Variants in LRIF1 observed in about 807,000 individuals in gnomAD.
LRIF1 encodes the protein ligand-dependent nuclear receptor-interacting factor 1.
Under a neutral mutation model 52.7 loss-of-function variants are expected in LRIF1, and 32 were observed. The ratio of observed to expected loss-of-function variants is 0.61; its 90% CI spans 0.46 to 0.82. The LOEUF (loss-of-function observed/expected upper bound fraction) is 0.82, where lower values mean the gene tolerates loss of function less well. LRIF1 is among the 40% of genes least tolerant of loss of function. LRIF1 has a pLI of 0.00. For missense variants in LRIF1, 887 were observed against 892.0 expected, an observed-to-expected ratio of 0.99 and a Z score of 0.07; for synonymous variants, 323 against 317.4, an observed-to-expected ratio of 1.02 and a Z score of -0.19.
chr1:110,955,092 G>A (rs749105982), intron 1 of LRIF1, among the ~76,000 whole-genome samples: 1 of 152,068 alleles, frequency 6.6e-6, no homozygotes, highest in Non-Finnish European at 1.5e-5. Flanking sequence ...AATCTCAAAC[G>A]TTCCTAAAAT....
the LRIF1 span, among the ~76,000 whole-genome samples, chr1:110,921,041 C>T: frequency 0.057 from 8,712 of 152,136 alleles, 288 homozygotes; most frequent in East Asian, 0.14. Context: ...TGGGCAAGTA[C>T]AAATGAACAT....
the LRIF1 span, chr1:110,892,245 G>A: frequency 3.3e-6 from 3 of 899,056 alleles, no homozygotes; most frequent in African/African-American, 4.9e-5. Context: ...GATTGAGCCA[G>A]TTAAAAATAA....
chr1:110,938,594 C>T, the LRIF1 span: 4 of 152,182 alleles, frequency 2.6e-5, no homozygotes, highest in African/African-American at 9.7e-5. Context: ...GGTCCCATAG[C>T]TAGTATCATA....
chr1:110,901,128 A>T, the LRIF1 span, among the ~76,000 whole-genome samples: 1 of 151,672 alleles, frequency 6.6e-6, no homozygotes, highest in African/African-American at 2.4e-5. Context: ...AAGAAGTAGC[A>T]GAGGAGACAT....
the LRIF1 span, among the ~76,000 whole-genome samples, chr1:110,888,630 C>T: frequency 2.6e-5 from 4 of 151,854 alleles, no homozygotes; most frequent in East Asian, 1.9e-4. Flanking sequence ...TATATTTTTA[C>T]GTTAAGAAAA....
the LRIF1 span, chr1:110,892,196 A>G: frequency 1.5e-6 from 1 of 688,830 alleles, no homozygotes; most frequent in Non-Finnish European, 2.6e-6. Context: ...CAATGTAAGC[A>G]TGGAAAAGTT....
the LRIF1 span, chr1:110,895,057 T>C: frequency 6.2e-7 from 1 of 1,601,376 alleles, no homozygotes. Flanking sequence ...CAGTCATTTG[T>C]GAGTACAGGT....
At chr1:110,941,153 A>G in the LRIF1 span, 2 of 152,114 alleles carry the variant, frequency 1.3e-5, no homozygotes, top group Admixed American at 6.5e-5. Context: ...AAGTAAAAAA[A>G]GAAGATAAAA....
the LRIF1 span, among the ~76,000 whole-genome samples, chr1:110,934,800 C>A: frequency 6.6e-6 from 1 of 152,200 alleles, no homozygotes; most frequent in Non-Finnish European, 1.5e-5. Flanking sequence ...GCGGGCCTGG[C>A]TGGCTTTGCC....
At chr1:110,901,185 GT>G in the LRIF1 span, among the ~76,000 whole-genome samples, 4 of 151,124 alleles carry the variant, frequency 2.6e-5, no homozygotes, top group African/African-American at 7.3e-5. Flanking sequence ...TTGTTTGTTT[GT>G]TTTTTTCTGA....
the LRIF1 span, among the ~76,000 whole-genome samples, chr1:110,885,276 C>T: frequency 6.6e-6 from 1 of 152,152 alleles, no homozygotes; most frequent in African/African-American, 2.4e-5. Flanking sequence ...TTTGGGCAGG[C>T]GCGGTGGCTC....
chr1:110,880,965 AAAGAG>A, the LRIF1 span, among the ~76,000 whole-genome samples: 157 of 152,202 alleles, frequency 1.0e-3, no homozygotes, highest in African/African-American at 3.7e-3. Context: ...GCCAGAAAGA[AAAGAG>A]AAAATTTCAG....
chr1:110,950,070 G>A lies in LRIF1; in HGVS notation c.1650C>T (p.Asp550=), dbSNP rs760999124. The A allele has an allele frequency of 4.3e-6, 7 of 1,613,812 alleles. No individual in the cohort carries two copies. Among genetic ancestry groups the A allele is most frequent in the Non-Finnish European group, 5.1e-6 (6 of 1,179,936 alleles). The change falls in exon 3 of 4, where the codon GAC becomes GAT. Residue 550 remains aspartate, a synonymous_variant. Coordinates refer to ENST00000369763, the MANE Select transcript of LRIF1 (RefSeq NM_018372.4). ...TACTTCTTCCTTGAGAATCTTTCTT[G>A]TCATTTCTTCCTTGGGCACCTTTAT... The part of the protein sequence containing the change: ...TSDKGAQGRN[D]KKDSQGRSNK...
the LRIF1 span, among the ~76,000 whole-genome samples, chr1:110,935,620 G>A: frequency 1.3e-5 from 2 of 152,098 alleles, no homozygotes; most frequent in African/African-American, 2.4e-5. Flanking sequence ...GAATTAGTGA[G>A]CTTAAAGACC....
At chr1:110,932,618 T>C in the LRIF1 span, among the ~76,000 whole-genome samples, 3 of 152,174 alleles carry the variant, frequency 2.0e-5, no homozygotes, top group African/African-American at 7.2e-5. Context: ...TCCATGAGCA[T>C]GTAATGTTTT....
the LRIF1 span, among the ~76,000 whole-genome samples, chr1:110,935,583 A>G: frequency 1.3e-5 from 2 of 152,360 alleles, no homozygotes; most frequent in Non-Finnish European, 2.9e-5. Context: ...GAATATTTTA[A>G]TAGCAGAATT....
At chr1:110,926,200 G>A in the LRIF1 span, among the ~76,000 whole-genome samples, 27 of 152,076 alleles carry the variant, frequency 1.8e-4, no homozygotes, top group African/African-American at 6.3e-4. Flanking sequence ...TATATCCTTG[G>A]TGAAGTATAA....
rs1426117950 is a variant in LRIF1, at chr1:110,960,999, GCTAT to G, written c.68+2618_68+2621del. 1.3e-5 allele frequency among the ~76,000 whole-genome samples: 2 copies of G among 152,154 alleles called. 1 individual carries two copies. The highest frequency in any genetic ancestry group is 4.1e-4 in the South Asian group (2 of 4,832). On this transcript the variant is annotated intron_variant, in intron 1 of 3. Coordinates refer to ENST00000369763, the MANE Select transcript of LRIF1 (RefSeq NM_018372.4). ...AGCAGGGCAAACAGAACCCTTAAGA[GCTAT>G]CTATCTATCCTACTTGTACAGAATC...
chr1:110,927,800 A>C, the LRIF1 span, among the ~76,000 whole-genome samples: 448 of 152,334 alleles, frequency 2.9e-3, 4 homozygotes, highest in African/African-American at 0.01. Flanking sequence ...AGCCAGGCTG[A>C]CATATTACAA....
Sources: allele counts gnomAD v4.1 joint callset (sites outside exome capture counted in the v4.1 genomes callset), GRCh38; gene constraint gnomAD v4.1.1; transcripts MANE v1.5; gene names NCBI Gene and HGNC (gene_info 2026-07-23, HGNC 2026-07-21).